Variants in SRGAP3 observed in about 807,000 individuals in gnomAD.
SRGAP3 encodes the protein SLIT-ROBO Rho GTPase-activating protein 3.
A neutral mutation model predicts 121.1 loss-of-function variants in SRGAP3; 39 were observed. That is an observed-to-expected ratio of 0.32 (90% CI 0.25 to 0.42). SRGAP3 has a LOEUF of 0.42. Among genes scored for constraint, SRGAP3 ranks in the 10% least tolerant of loss-of-function variants. The pLI, the probability that SRGAP3 is intolerant of heterozygous loss-of-function variation, is 1.00. For missense variants in SRGAP3, 1,213 were observed against 1,470.6 expected (o/e 0.82, Z 2.86); for synonymous variants, 601 against 570.0 (o/e 1.05, Z -0.77).
intron 4 of SRGAP3, 93 bp downstream of exon 4, chr3:9,079,932 G>T: frequency 7.1e-7 from 1 of 1,404,776 alleles, no homozygotes; most frequent in Non-Finnish European, 1.0e-6. Context: ...AAGGCCTGGG[G>T]TCATTCCAGA....
At chr3:9,233,903 C>G (rs1476005848) in intron 1 of SRGAP3, among the ~76,000 whole-genome samples, 1 of 152,224 alleles carries the variant, frequency 6.6e-6, no homozygotes, top group Non-Finnish European at 1.5e-5. Context: ...TAAGCTAAAT[C>G]TATGTGAACT....
chr3:9,194,670 T>A (rs1411163544), intron 1 of SRGAP3, among the ~76,000 whole-genome samples: 1 of 152,178 alleles, frequency 6.6e-6, no homozygotes, highest in African/African-American at 2.4e-5. Flanking sequence ...AACAACCTTC[T>A]CCCAAAGTCA....
chr3:9,221,619 C>T (rs1005160642), intron 1 of SRGAP3, among the ~76,000 whole-genome samples: 1 of 152,192 alleles, frequency 6.6e-6, no homozygotes, highest in Non-Finnish European at 1.5e-5. Flanking sequence ...CAGTTTAACA[C>T]TCCCACCCAG....
Position 9,047,426 on chromosome 3 carries a change from G to C in SRGAP3, c.1373C>G (p.Ala458Gly). Reference sequence around the variant, plus strand: ...GGTCTGCTTGAGTAAATCGTGCTTGGCCTGCAGCTTGGTGATGAGGTTACT... The same window carrying C: ...GGTCTGCTTGAGTAAATCGTGCTTGCCCTGCAGCTTGGTGATGAGGTTACT... ...NGSNLITKLQ[A>G]KHDLLKQTLG... The change falls in exon 10 of 22, where the codon GCC becomes GGC. Residue 458 changes from alanine to glycine, a missense_variant. Around this residue, in one of 2 missense-constraint regions of SRGAP3, gnomAD observed 793 missense variants for 1,032.9 expected, o/e 0.77. Coordinates refer to ENST00000383836, the MANE Select transcript of SRGAP3 (RefSeq NM_014850.4). 6.2e-7 allele frequency: 1 copy of C among 1,614,160 alleles called. No individual in the cohort carries two copies. Among genetic ancestry groups the C allele is most frequent in the Non-Finnish European group, 8.5e-7 (1 of 1,180,038 alleles).
At chr3:9,302,824 G>C (rs536307336) in intron 3 of SRGAP3, among the ~76,000 whole-genome samples, 32 of 152,206 alleles carry the variant, frequency 2.1e-4, no homozygotes, top group African/African-American at 7.0e-4. Flanking sequence ...CGGGTACAAG[G>C]GGGAGAGGCT....
intron 1 of SRGAP3, 82 bp downstream of exon 1, chr3:9,248,803 G>T: frequency 1.5e-6 from 2 of 1,374,832 alleles, no homozygotes; most frequent in Non-Finnish European, 2.1e-6. Context: ...AGAGGAAAAC[G>T]GGGGGCAGCG....
rs184321042 is a variant in SRGAP3, at chr3:9,031,445, C to T, written c.1539+1205G>A. On this transcript the variant is annotated intron_variant, in intron 12 of 21. Transcript: ENST00000383836. The stretch of plus-strand genomic sequence containing the variant: ...GGCCCTTCCTTTTGGGAATCCTCTA[C>T]GCTTTGGTCTTCTTAGGCATCCTAC... Among the ~76,000 whole-genome samples, 627 of 152,248 alleles carry T rather than the reference C, an allele frequency of 4.1e-3. 1 individual carries two copies. The highest frequency in any genetic ancestry group is 0.013 in the South Asian group (64 of 4,820).
intron 1 of SRGAP3, among the ~76,000 whole-genome samples, chr3:9,167,561 G>A (rs1390699341): frequency 2.0e-5 from 3 of 152,096 alleles, no homozygotes; most frequent in African/African-American, 7.2e-5. Flanking sequence ...TGCTGTCAAC[G>A]CCTAGGGGGG....
chr3:9,164,418 T>C (rs1305332547), intron 1 of SRGAP3, among the ~76,000 whole-genome samples: 1 of 151,886 alleles, frequency 6.6e-6, no homozygotes, highest in East Asian at 1.9e-4. Context: ...GCCTCCAGAG[T>C]AGCTGGGACT....
intron 1 of SRGAP3, among the ~76,000 whole-genome samples, chr3:9,126,645 CTAAA>C (rs1328680002): frequency 0.064 from 8,245 of 129,188 alleles, 410 homozygotes; most frequent in African/African-American, 0.15. Flanking sequence ...AACTAACTAA[CTAAA>C]TAAATAAATA....
At chr3:9,224,441 G>T (rs1487358338) in intron 1 of SRGAP3, among the ~76,000 whole-genome samples, 1 of 152,118 alleles carries the variant, frequency 6.6e-6, no homozygotes, top group Non-Finnish European at 1.5e-5. Flanking sequence ...CAGGTCAGAG[G>T]GTGCCTGCCC....
intron 1 of SRGAP3, among the ~76,000 whole-genome samples, chr3:9,133,689 T>G (rs1020062750): frequency 6.6e-6 from 1 of 152,220 alleles, no homozygotes; most frequent in East Asian, 1.9e-4. Context: ...TCTGCACATG[T>G]GCAGGAATAT....
At chr3:9,078,623 G>T (rs1947091600) in intron 4 of SRGAP3, among the ~76,000 whole-genome samples, 1 of 152,070 alleles carries the variant, frequency 6.6e-6, no homozygotes, top group Non-Finnish European at 1.5e-5. Context: ...ATTCTCACAG[G>T]GACGTGCACT....
intron 3 of SRGAP3, among the ~76,000 whole-genome samples, chr3:9,294,553 A>AC (rs200087170): frequency 0.073 from 5,958 of 81,820 alleles, 153 homozygotes; most frequent in Non-Finnish European, 0.11. Flanking sequence ...AAACAAACAA[A>AC]AAAAAACACC....
chr3:9,225,448 G>A (rs76521664), intron 1 of SRGAP3, among the ~76,000 whole-genome samples: 1 of 152,124 alleles, frequency 6.6e-6, no homozygotes, highest in Non-Finnish European at 1.5e-5. Flanking sequence ...GAAGACTTGG[G>A]TCATTATAAG....
At chr3:9,342,409 GA>G (rs1374886630) in intron 1 of SRGAP3, among the ~76,000 whole-genome samples, 1 of 151,936 alleles carries the variant, frequency 6.6e-6, no homozygotes, top group Non-Finnish European at 1.5e-5. Context: ...GAATCAAAAT[GA>G]CTTTCACGGG....
intron 18 of SRGAP3, among the ~76,000 whole-genome samples, chr3:9,010,082 C>T (rs747341343): frequency 5.3e-5 from 8 of 152,214 alleles, no homozygotes; most frequent in African/African-American, 9.7e-5. Context: ...TGTGGGGTGT[C>T]GTGAACACAG....
At chr3:9,119,588 G>A (rs1359707011) in intron 2 of SRGAP3, among the ~76,000 whole-genome samples, 11 of 152,216 alleles carry the variant, frequency 7.2e-5, no homozygotes. Context: ...TCCAATGATA[G>A]GAGGGCTTTA....
At chr3:9,044,246 TTC>T (rs1945149984) in intron 10 of SRGAP3, among the ~76,000 whole-genome samples, 1 of 152,204 alleles carries the variant, frequency 6.6e-6, no homozygotes, top group African/African-American at 2.4e-5. Flanking sequence ...GGGGAATATG[TTC>T]CAAGACCCCC....
Sources: gnomAD v4.1 joint callset for allele counts (sites outside exome capture counted in the v4.1 genomes callset) on GRCh38, gnomAD v4.1.1 for gene constraint, gnomAD v4.1.1 regional missense constraint, MANE v1.5 for transcripts, NCBI Gene and HGNC (gene_info 2026-07-23, HGNC 2026-07-21) for gene names.